SENP7: variants seen among roughly 807,000 people sequenced by gnomAD.
SENP7 encodes the protein sentrin-specific protease 7.
Under a neutral mutation model 141.2 loss-of-function variants are expected in SENP7, and 64 were observed. The ratio of observed to expected loss-of-function variants is 0.45; its 90% CI spans 0.37 to 0.56. SENP7 has a LOEUF of 0.56. Ranked by LOEUF, SENP7 falls within the 20% of genes least tolerant of loss-of-function variation. The probability of loss-of-function intolerance (pLI) is 0.00; values close to 1 mark genes in which losing one functional copy is unlikely to be tolerated. For synonymous variants in SENP7, 382 were observed against 426.4 expected, an observed-to-expected ratio of 0.90 and a Z score of 1.28; for missense variants, 1,025 against 1,212.2, an observed-to-expected ratio of 0.85 and a Z score of 2.29.
intron 3 of SENP7, among the ~76,000 whole-genome samples, chr3:101,488,690 A>C (rs1286737231): frequency 2.0e-5 from 3 of 152,114 alleles, no homozygotes; most frequent in Non-Finnish European, 2.9e-5. Flanking sequence ...AAAACACAAA[A>C]AATTAGCTGG....
At chr3:101,448,462 C>T (rs915018039) in intron 4 of SENP7, among the ~76,000 whole-genome samples, 6 of 152,178 alleles carry the variant, frequency 3.9e-5, no homozygotes, top group Admixed American at 1.3e-4. Flanking sequence ...ATACAAACGA[C>T]GAATTAGCTC....
intron 4 of SENP7, among the ~76,000 whole-genome samples, chr3:101,419,325 T>C (rs1195744342): frequency 3.3e-5 from 5 of 152,232 alleles, no homozygotes; most frequent in African/African-American, 7.2e-5. Context: ...TGTGAGACTT[T>C]ATGTCAACAA....
intron 10 of SENP7, chr3:101,363,132 G>T: frequency 1.1e-6 from 1 of 927,808 alleles, no homozygotes; most frequent in Non-Finnish European, 1.3e-6. Flanking sequence ...CCATTTACCT[G>T]CTTAATTGAA....
chr3:101,478,015 C>A (rs1559886266), intron 3 of SENP7, among the ~76,000 whole-genome samples: 1 of 151,290 alleles, frequency 6.6e-6, no homozygotes, highest in Non-Finnish European at 1.5e-5. Context: ...CACACACATA[C>A]CCTAATAAAC....
At chr3:101,353,865 T>G (rs1394517207) in intron 11 of SENP7, among the ~76,000 whole-genome samples, 1 of 151,978 alleles carries the variant, frequency 6.6e-6, no homozygotes, top group African/African-American at 2.4e-5. Context: ...GTATCTCCAG[T>G]GTCTACAATA....
At chr3:101,478,503 C>A (rs2064315362) in intron 3 of SENP7, among the ~76,000 whole-genome samples, 1 of 152,020 alleles carries the variant, frequency 6.6e-6, no homozygotes, top group Non-Finnish European at 1.5e-5. Flanking sequence ...ACAGCCTGGA[C>A]AACAGAGCAA....
At chr3:101,497,783 G>A (rs2065218586) in intron 2 of SENP7, among the ~76,000 whole-genome samples, 1 of 152,150 alleles carries the variant, frequency 6.6e-6, no homozygotes, top group South Asian at 2.1e-4. Context: ...TGGGGGAAGA[G>A]GATCAGCTCT....
rs182302765 is a variant in SENP7, at chr3:101,413,638, T to G, written c.482+3955A>C. Among the ~76,000 whole-genome samples the G allele has an allele frequency of 3.3e-5, 5 of 151,926 alleles. No homozygotes were observed. The East Asian group carries it at 9.7e-4, about 29-fold the overall frequency. On this transcript the variant is annotated intron_variant, in intron 5 of 23. Transcript: ENST00000394095. Reference sequence around the variant, plus strand: ...AATCACAACATAGTGTGATAAGCGTTATGATATACTAACAAGCTGTTTAGC... The same window carrying G: ...AATCACAACATAGTGTGATAAGCGTGATGATATACTAACAAGCTGTTTAGC...
At chr3:101,346,527 G>A (rs977138503) in intron 13 of SENP7, among the ~76,000 whole-genome samples, 1 of 152,138 alleles carries the variant, frequency 6.6e-6, no homozygotes, top group Admixed American at 6.6e-5. Context: ...CAATCAATGA[G>A]TGGATAAAGA....
intron 3 of SENP7, among the ~76,000 whole-genome samples, chr3:101,463,013 C>A (rs547013132): frequency 3.9e-5 from 6 of 152,152 alleles, no homozygotes; most frequent in Admixed American, 2.6e-4. Context: ...CACATACTGA[C>A]AACAGACTCA....
intron 7 of SENP7, among the ~76,000 whole-genome samples, chr3:101,368,274 T>C (rs937629524): frequency 6.6e-6 from 1 of 151,944 alleles, no homozygotes; most frequent in African/African-American, 2.4e-5. Context: ...TTTTTCATAG[T>C]AGCCAAAGCA....
chr3:101,457,554 ATACCAAAGATATTGTT>A (rs2063395450), intron 4 of SENP7: 1 of 1,599,776 alleles, frequency 6.3e-7, no homozygotes, highest in Non-Finnish European at 8.6e-7. Context: ...CACCTCTTCA[ATACCAAAGATATTGTT>A]TACCCCTAAC....
chr3:101,479,166 T>C (rs1250322358), intron 3 of SENP7, among the ~76,000 whole-genome samples: 1 of 152,186 alleles, frequency 6.6e-6, no homozygotes, highest in African/African-American at 2.4e-5. Context: ...ATATTCACCA[T>C]GCTTATTCAA....
chr3:101,454,348 C>CA (rs1269351971), intron 4 of SENP7, among the ~76,000 whole-genome samples: 2 of 151,764 alleles, frequency 1.3e-5, no homozygotes, highest in Non-Finnish European at 1.5e-5. Context: ...CTCAAATATA[C>CA]AAAAAACAGA....
At chr3:101,428,464 T>C (rs1480332374) in intron 4 of SENP7, among the ~76,000 whole-genome samples, 2 of 152,264 alleles carry the variant, frequency 1.3e-5, no homozygotes, top group African/African-American at 4.8e-5. Context: ...TGAGAATTTT[T>C]TTCAGAAGTT....
At chr3:101,362,147 T>C (rs868454667) in intron 10 of SENP7, among the ~76,000 whole-genome samples, 41 of 152,310 alleles carry the variant, frequency 2.7e-4, no homozygotes, top group African/African-American at 9.9e-4. Context: ...TCACATTCAA[T>C]AGTCTCTAAT....
At chr3:101,342,295 G>A (rs1019936017) in intron 14 of SENP7, among the ~76,000 whole-genome samples, 1 of 152,142 alleles carries the variant, frequency 6.6e-6, no homozygotes, top group African/African-American at 2.4e-5. Context: ...GTGCATGCAT[G>A]TGCACAGGTG....
chr3:101,496,051 A>G (rs566107644), intron 2 of SENP7, among the ~76,000 whole-genome samples: 4 of 152,210 alleles, frequency 2.6e-5, no homozygotes, highest in Non-Finnish European at 2.9e-5. Flanking sequence ...GGTAAGTAGG[A>G]AAAAAGATTA....
intron 19 of SENP7, 149 bp downstream of exon 19, chr3:101,331,836 C>T: frequency 2.8e-6 from 2 of 711,816 alleles, no homozygotes; most frequent in Non-Finnish European, 4.4e-6. Flanking sequence ...TTTTGTCTAT[C>T]ATTAAAAATT....
Sources: allele counts gnomAD v4.1 joint callset (sites outside exome capture counted in the v4.1 genomes callset), GRCh38; gene constraint gnomAD v4.1.1; transcripts MANE v1.5; gene names NCBI Gene and HGNC (gene_info 2026-07-23, HGNC 2026-07-21).